ITPR2: variants seen among roughly 807,000 people sequenced by gnomAD.
ITPR2 encodes inositol 1,4,5-trisphosphate receptor type 2.
In ITPR2, 207 loss-of-function variants were observed where a neutral mutation model predicts 317.1. The ratio of observed to expected loss-of-function variants is 0.65; its 90% CI spans 0.58 to 0.73. The LOEUF is 0.73. Ranked by LOEUF, ITPR2 falls within the 30% of genes least tolerant of loss-of-function variation. ITPR2 has a pLI of 0.00. For synonymous variants in ITPR2, 1,156 were observed against 1,149.1 expected (o/e 1.01, Z -0.12); for missense variants, 2,613 against 3,284.0 (o/e 0.80, Z 4.99).
At chr12:26,567,659 A>C (rs1222169111) in intron 34 of ITPR2, among the ~76,000 whole-genome samples, 1 of 152,056 alleles carries the variant, frequency 6.6e-6, no homozygotes, top group Non-Finnish European at 1.5e-5. Flanking sequence ...AATTGTAAAA[A>C]CACAAGTATT....
intron 2 of ITPR2, among the ~76,000 whole-genome samples, chr12:26,780,433 TG>T (rs761493239): frequency 2.0e-5 from 3 of 152,240 alleles, no homozygotes; most frequent in Non-Finnish European, 2.9e-5. Flanking sequence ...TCTACCATCA[TG>T]GTATTCCACA....
intron 51 of ITPR2, among the ~76,000 whole-genome samples, chr12:26,412,245 C>T (rs754413030): frequency 6.6e-6 from 1 of 152,258 alleles, no homozygotes. Flanking sequence ...GACTAATCAG[C>T]TGAGATGGGG....
intron 45 of ITPR2, among the ~76,000 whole-genome samples, chr12:26,474,638 A>G (rs1034003908): frequency 1.5e-4 from 22 of 151,434 alleles, no homozygotes; most frequent in Admixed American, 4.6e-4. Context: ...CTAAAAATAC[A>G]AAAAAATTAG....
chr12:26,765,000 C>T (rs1949695137), intron 2 of ITPR2, among the ~76,000 whole-genome samples: 1 of 152,034 alleles, frequency 6.6e-6, no homozygotes, highest in African/African-American at 2.4e-5. Flanking sequence ...TAAAACTCAA[C>T]TGGAATGAAG....
intron 34 of ITPR2, among the ~76,000 whole-genome samples, chr12:26,573,764 T>C (rs911910712): frequency 6.6e-6 from 1 of 151,968 alleles, no homozygotes; most frequent in African/African-American, 2.4e-5. Context: ...AGAAGGTCAG[T>C]GTGGATGGAG....
intron 45 of ITPR2, among the ~76,000 whole-genome samples, chr12:26,455,091 C>T (rs1309555229): frequency 9.2e-5 from 14 of 151,756 alleles, no homozygotes; most frequent in African/African-American, 3.2e-4. Flanking sequence ...TGATGAGTTC[C>T]GCAACAGTTC....
At chr12:26,536,438 G>A (rs1048782161) in intron 37 of ITPR2, among the ~76,000 whole-genome samples, 2 of 152,146 alleles carry the variant, frequency 1.3e-5, no homozygotes, top group East Asian at 1.9e-4. Flanking sequence ...GAAATCTGAG[G>A]TGAATAAGAA....
intron 1 of ITPR2, among the ~76,000 whole-genome samples, chr12:26,812,593 A>C (rs184048930): frequency 3.9e-5 from 6 of 152,300 alleles, no homozygotes; most frequent in African/African-American, 1.2e-4. Context: ...AAAAAACCTA[A>C]TACTAATTTT....
chr12:26,831,866 A>AAATATATATTATACATAAAATATATT lies in ITPR2; in HGVS notation c.92+823_92+824insAATATATTTTATGTATAATATATATT, dbSNP rs1951114682. ...AATATATATTATACATAAAATATAT[A>AAATATATATTATACATAAAATATATT]AATATATTAATATATATTTCCCTCA... On this transcript the variant is annotated intron_variant, in intron 1 of 56. Coordinates refer to ENST00000381340, the MANE Select transcript of ITPR2 (RefSeq NM_002223.4). This position sits in a 1 kb window ranked among gnomAD's most constrained non-coding sequence, Gnocchi z 4.9. 3.4e-5 allele frequency among the ~76,000 whole-genome samples: 5 copies of AAATATATATTATACATAAAATATATT among 145,536 alleles called. No individual in the cohort carries two copies. The highest frequency in any genetic ancestry group is 7.0e-5 in the Admixed American group (1 of 14,280).
intron 54 of ITPR2, among the ~76,000 whole-genome samples, chr12:26,395,252 A>C (rs1292898429): frequency 6.6e-6 from 1 of 152,136 alleles, no homozygotes; most frequent in Admixed American, 6.6e-5. Context: ...GACCCAGAGA[A>C]AGCAAGCAGA....
intron 26 of ITPR2, among the ~76,000 whole-genome samples, chr12:26,612,629 C>G (rs531238826): frequency 3.3e-5 from 5 of 152,158 alleles, no homozygotes; most frequent in African/African-American, 1.2e-4. Flanking sequence ...TCCCAATCCA[C>G]CCATTTGCAT....
chr12:26,460,852 G>A (rs928534603), intron 45 of ITPR2, among the ~76,000 whole-genome samples: 2 of 152,068 alleles, frequency 1.3e-5, no homozygotes, highest in African/African-American at 4.8e-5. Flanking sequence ...CCCCAGCTAG[G>A]GTTCTTTGTT....
chr12:26,347,320 A>G (rs1325256642), intron 55 of ITPR2, among the ~76,000 whole-genome samples: 2 of 152,230 alleles, frequency 1.3e-5, no homozygotes, highest in Non-Finnish European at 2.9e-5. Flanking sequence ...TCTATTAGGT[A>G]CATATTAAAA....
chr12:26,565,539 CAGAT>C lies in ITPR2; in HGVS notation c.4631-3591_4631-3588del, dbSNP rs1555157017. Among the ~76,000 whole-genome samples the C allele has an allele frequency of 5.3e-5, 8 of 151,230 alleles. No homozygotes were observed. The South Asian group carries it at 8.3e-4, about 16-fold the overall frequency. On this transcript the variant is annotated intron_variant, in intron 34 of 56. Transcript: ENST00000381340. ...ATAGATAGATAGATAGACAGACAGACAGATAGATAGATAATCTGGCTTGCTTCAT... is the reference window on the plus strand; with the variant it reads ...ATAGATAGATAGATAGACAGACAGACAGATAGATAATCTGGCTTGCTTCAT...
At chr12:26,782,037 TAGAGAGA>T (rs1950102658) in intron 2 of ITPR2, among the ~76,000 whole-genome samples, 4 of 51,736 alleles carry the variant, frequency 7.7e-5, no homozygotes, top group African/African-American at 2.3e-4. Flanking sequence ...TATATATGTA[TAGAGAGA>T]GAGAGAGAGA....
chr12:26,516,285 G>GGGAAAGGAAGGGAAAGGAAAGGAAA (rs1943504831), intron 37 of ITPR2, among the ~76,000 whole-genome samples: 60 of 42,790 alleles, frequency 1.4e-3, no homozygotes, highest in Admixed American at 2.3e-3. Flanking sequence ...GGGAAGGGAA[G>GGGAAAGGAAGGGAAAGGAAAGGAAA]GGAAAGGAAA....
intron 34 of ITPR2, among the ~76,000 whole-genome samples, chr12:26,572,476 C>CT (rs1407343758): frequency 2.6e-5 from 4 of 152,180 alleles, no homozygotes; most frequent in Non-Finnish European, 4.4e-5. Flanking sequence ...CTTGTTTCTA[C>CT]TTTCTTCAGC....
intron 47 of ITPR2, 145 bp from the exon 48 acceptor site, chr12:26,436,491 T>A: frequency 1.4e-6 from 1 of 695,820 alleles, no homozygotes; most frequent in Non-Finnish European, 2.2e-6. Flanking sequence ...TTGACTTGAG[T>A]AAGTTTATTA....
intron 55 of ITPR2, among the ~76,000 whole-genome samples, chr12:26,358,827 T>A (rs1938727721): frequency 6.6e-6 from 1 of 152,084 alleles, no homozygotes; most frequent in African/African-American, 2.4e-5. Flanking sequence ...TCTGGCCACA[T>A]GAGCTGTGCT....
Sources: allele counts gnomAD v4.1 joint callset (sites outside exome capture counted in the v4.1 genomes callset), GRCh38; gene constraint gnomAD v4.1.1; non-coding constraint Gnocchi (gnomAD v3.1); transcripts MANE v1.5; gene names NCBI Gene and HGNC (gene_info 2026-07-23, HGNC 2026-07-21).